The following KCNH8 variants were observed in gnomAD, a reference collection of about 807,000 sequenced individuals.
KCNH8 encodes the protein voltage-gated delayed rectifier potassium channel KCNH8.
In KCNH8, 70 loss-of-function variants were observed where a neutral mutation model predicts 103.6. The ratio of observed to expected loss-of-function variants is 0.68; its 90% CI spans 0.56 to 0.82. KCNH8 has a LOEUF of 0.82. Ranked by LOEUF, KCNH8 falls within the 40% of genes least tolerant of loss-of-function variation. The pLI, the probability that KCNH8 is intolerant of heterozygous loss-of-function variation, is 0.00. For synonymous variants in KCNH8, 498 were observed against 489.4 expected (o/e 1.02, Z -0.23); for missense variants, 1,217 against 1,329.9 (o/e 0.92, Z 1.32).
At chr3:19,370,680 A>G (rs902780260) in intron 5 of KCNH8, among the ~76,000 whole-genome samples, 1 of 152,124 alleles carries the variant, frequency 6.6e-6, no homozygotes, top group Admixed American at 6.5e-5. Flanking sequence ...ACATATGTAT[A>G]CATGTGCCAT....
intron 3 of KCNH8, among the ~76,000 whole-genome samples, chr3:19,336,743 T>C (rs1290686103): frequency 6.6e-6 from 1 of 152,012 alleles, no homozygotes; most frequent in East Asian, 1.9e-4. Flanking sequence ...TTTATTGTAA[T>C]TTTTTAAAGA....
Position 19,286,865 on chromosome 3 carries a change from C to T in KCNH8, c.442+5536C>T, listed in dbSNP as rs146030689. On this transcript the variant is annotated intron_variant, in intron 3 of 15. Coordinates refer to ENST00000328405, the MANE Select transcript of KCNH8 (RefSeq NM_144633.3). ...TCCGTGGATGTGGAACCCGCAGATA[C>T]AGAAGGCTGACTGCATTTTGTTATA... Among the ~76,000 whole-genome samples the T allele has an allele frequency of 7.7e-3, 1,176 of 152,236 alleles. 10 individuals are homozygous for T. Among genetic ancestry groups the T allele is most frequent in the African/African-American group, 0.027 (1,120 of 41,536 alleles).
chr3:19,309,962 T>C (rs577046358), intron 3 of KCNH8, among the ~76,000 whole-genome samples: 1 of 152,016 alleles, frequency 6.6e-6, no homozygotes, highest in East Asian at 1.9e-4. Flanking sequence ...TGCTTGTTGC[T>C]AGATAATCAG....
At chr3:19,386,369 G>T (rs903629885) in intron 5 of KCNH8, among the ~76,000 whole-genome samples, 1 of 151,698 alleles carries the variant, frequency 6.6e-6, no homozygotes. Context: ...CTTTTGGGTG[G>T]GTATATTATG....
At chr3:19,492,300 A>G (rs1194230681) in intron 11 of KCNH8, among the ~76,000 whole-genome samples, 4 of 152,102 alleles carry the variant, frequency 2.6e-5, no homozygotes, top group Non-Finnish European at 4.4e-5. Context: ...AGATATTTAT[A>G]ATTTTAGGTC....
chr3:19,266,010 G>A (rs976034016), intron 2 of KCNH8, among the ~76,000 whole-genome samples: 2 of 151,930 alleles, frequency 1.3e-5, no homozygotes, highest in African/African-American at 4.8e-5. Context: ...CTCCAGTTCT[G>A]CACCCTCAAG....
intron 7 of KCNH8, 118 bp downstream of exon 7, chr3:19,395,429 CTAAT>C (rs1195505953): frequency 1.1e-5 from 7 of 621,740 alleles, no homozygotes; most frequent in African/African-American, 3.9e-5. Context: ...ATCAATTTGT[CTAAT>C]TAATTTCTAT....
intron 1 of KCNH8, among the ~76,000 whole-genome samples, chr3:19,181,051 A>G (rs1326343715): frequency 6.6e-6 from 1 of 152,182 alleles, no homozygotes; most frequent in Non-Finnish European, 1.5e-5. Context: ...TTTAGAGAGG[A>G]TTAACATTTT....
chr3:19,421,301 A>G (rs1227060322), intron 7 of KCNH8, among the ~76,000 whole-genome samples: 2 of 152,064 alleles, frequency 1.3e-5, no homozygotes, highest in African/African-American at 4.8e-5. Context: ...AAAGTATAAG[A>G]TATTTTGATC....
intron 1 of KCNH8, among the ~76,000 whole-genome samples, chr3:19,180,094 A>G (rs1402517966): frequency 1.3e-5 from 2 of 152,184 alleles, no homozygotes; most frequent in African/African-American, 4.8e-5. Flanking sequence ...AGTCAAAATC[A>G]TGCTTCAGAA....
intron 12 of KCNH8, among the ~76,000 whole-genome samples, chr3:19,511,874 A>G (rs552488442): frequency 3.9e-4 from 60 of 152,258 alleles, no homozygotes; most frequent in African/African-American, 1.3e-3. Flanking sequence ...AGTCACTGCA[A>G]TGTTAGATCT....
chr3:19,500,620 A>C (rs2068558587), intron 11 of KCNH8, among the ~76,000 whole-genome samples: 2 of 152,262 alleles, frequency 1.3e-5, no homozygotes, highest in Non-Finnish European at 2.9e-5. Context: ...ATTCAGGATT[A>C]AGAATCTCAC....
At chr3:19,519,442 T>C (rs2068933370) in intron 15 of KCNH8, among the ~76,000 whole-genome samples, 1 of 151,592 alleles carries the variant, frequency 6.6e-6, no homozygotes, top group African/African-American at 2.4e-5. Flanking sequence ...CTGTGTTTCT[T>C]CAGCTTCGTG....
intron 3 of KCNH8, among the ~76,000 whole-genome samples, chr3:19,310,736 G>A (rs954039990): frequency 7.3e-5 from 11 of 151,638 alleles, no homozygotes; most frequent in Non-Finnish European, 1.2e-4. Context: ...TGAATATATC[G>A]TAAAATCGTA....
chr3:19,247,331 A>C (rs528269498), intron 1 of KCNH8, among the ~76,000 whole-genome samples: 78 of 152,334 alleles, frequency 5.1e-4, no homozygotes, highest in Admixed American at 9.8e-4. Context: ...GATGCAGTTA[A>C]GCTCCCTGAA....
At chr3:19,383,023 T>C (rs1229623921) in intron 5 of KCNH8, among the ~76,000 whole-genome samples, 1 of 152,092 alleles carries the variant, frequency 6.6e-6, no homozygotes, top group African/African-American at 2.4e-5. Context: ...CTCAAAACTT[T>C]TGCATAAAAG....
chr3:19,182,071 G>C (rs1225187708), intron 1 of KCNH8, among the ~76,000 whole-genome samples: 1 of 151,944 alleles, frequency 6.6e-6, no homozygotes, highest in African/African-American at 2.4e-5. Context: ...CCCCAAAACT[G>C]TTCTTTTATA....
At chr3:19,427,788 A>G (rs111892464) in intron 7 of KCNH8, among the ~76,000 whole-genome samples, 2 of 152,314 alleles carry the variant, frequency 1.3e-5, no homozygotes, top group Non-Finnish European at 2.9e-5. Context: ...AAAAGTTTTC[A>G]TGATCAATAT....
chr3:19,419,198 T>TTG (rs1553595458), intron 7 of KCNH8, among the ~76,000 whole-genome samples: 2 of 133,060 alleles, frequency 1.5e-5, no homozygotes, highest in South Asian at 2.5e-4. Context: ...GGTTTTGGTT[T>TTG]TTTTTTTTTT....
Sources: allele counts gnomAD v4.1 joint callset (sites outside exome capture counted in the v4.1 genomes callset), GRCh38; gene constraint gnomAD v4.1.1; transcripts MANE v1.5; gene names NCBI Gene and HGNC (gene_info 2026-07-23, HGNC 2026-07-21).